Variants in BIRC6 observed in about 807,000 individuals in gnomAD.
The protein encoded by BIRC6 is dual E2 ubiquitin-conjugating enzyme/E3 ubiquitin-protein ligase BIRC6.
Under a neutral mutation model 503.3 loss-of-function variants are expected in BIRC6, and 98 were observed. That is an observed-to-expected ratio of 0.19 (90% CI 0.17 to 0.23). The LOEUF is 0.23. Among genes scored for constraint, BIRC6 ranks in the 10% least tolerant of loss-of-function variants. The probability of loss-of-function intolerance (pLI) is 1.00; values close to 1 mark genes in which losing one functional copy is unlikely to be tolerated. For missense variants in BIRC6, 5,360 were observed against 5,806.0 expected (o/e 0.92, Z 2.50); for synonymous variants, 2,240 against 2,078.7 (o/e 1.08, Z -2.11).
At chr2:32,498,786 A>C (rs1452495944) in intron 45 of BIRC6, among the ~76,000 whole-genome samples, 7 of 152,128 alleles carry the variant, frequency 4.6e-5, no homozygotes, top group Non-Finnish European at 8.8e-5. Flanking sequence ...GGGTTTCGCC[A>C]TGTTGGCCAG....
At chr2:32,475,213 T>A (rs1255955695) in intron 33 of BIRC6, among the ~76,000 whole-genome samples, 1 of 151,560 alleles carries the variant, frequency 6.6e-6, no homozygotes, top group African/African-American at 2.4e-5. Flanking sequence ...AAGTGTTCTC[T>A]GAGAAGGAAG....
Position 32,575,280 on chromosome 2 carries a change from A to G in BIRC6, c.13269A>G (p.Glu4423=), listed in dbSNP as rs994343753. The change falls in exon 66 of 74, where the codon GAA becomes GAG. Residue 4423 remains glutamate (E), a synonymous_variant. Coordinates refer to ENST00000421745, the MANE Select transcript of BIRC6 (RefSeq NM_016252.4). ...TTTCTACAGAGAACGGTGAAGAGGA[A>G]GAAGAACAGTCAGAATGTCAAACTT... ...LPLSTENGEE[E]EEQSECQTSV... 2 of 1,613,812 alleles carry G rather than the reference A, an allele frequency of 1.2e-6. No individual in the cohort carries two copies. The highest frequency in any genetic ancestry group is 1.7e-6 in the Non-Finnish European group (2 of 1,179,844).
intron 15 of BIRC6, among the ~76,000 whole-genome samples, chr2:32,438,680 C>T (rs954088683): frequency 3.3e-5 from 5 of 151,752 alleles, no homozygotes; most frequent in Admixed American, 6.6e-5. Flanking sequence ...CTGCCTCAGC[C>T]TCCTGAGTAG....
chr2:32,571,567 G>A (rs1293896616), intron 65 of BIRC6, among the ~76,000 whole-genome samples: 1 of 151,750 alleles, frequency 6.6e-6, no homozygotes, highest in Non-Finnish European at 1.5e-5. Context: ...AATAGTCCCT[G>A]ATCTTTTGTA....
chr2:32,465,190 T>C, intron 26 of BIRC6, 26 bp downstream of exon 26: 1 of 1,227,048 alleles, frequency 8.1e-7, no homozygotes, highest in Non-Finnish European at 1.1e-6. Context: ...CTTAAATTTT[T>C]TTTTTTTTTT....
intron 62 of BIRC6, among the ~76,000 whole-genome samples, chr2:32,545,157 G>A (rs555880680): frequency 3.9e-4 from 59 of 152,004 alleles, no homozygotes; most frequent in Admixed American, 1.5e-3. Flanking sequence ...TAATTGTCTC[G>A]TGTACCATCC....
chr2:32,591,812 A>T (rs775875065), intron 66 of BIRC6, among the ~76,000 whole-genome samples: 9 of 152,188 alleles, frequency 5.9e-5, no homozygotes, highest in Non-Finnish European at 1.3e-4. Context: ...ATTTGTCAAG[A>T]CCTGGTAATA....
In BIRC6 at chr2:32,377,772, A is replaced by G. The variant is rs754400827; in HGVS notation, c.507+3A>G. On this transcript the variant is annotated splice_donor_region_variant and intron_variant, in intron 2 of 73. Transcript: ENST00000421745. ...AGCTTGAATTACCCGTTACAGAGGT[A>G]AGTTGAAATAAGTATCAATGTGGTC... The G allele has an allele frequency of 1.9e-5, 30 of 1,606,960 alleles. No homozygotes were observed. Among genetic ancestry groups the G allele is most frequent in the Non-Finnish European group, 2.6e-5 (30 of 1,176,400 alleles).
At chr2:32,390,220 G>A (rs2039037615) in intron 4 of BIRC6, among the ~76,000 whole-genome samples, 1 of 151,724 alleles carries the variant, frequency 6.6e-6, no homozygotes, top group South Asian at 2.1e-4. Flanking sequence ...GCCCAGGCTG[G>A]AGTTCAGTGG....
At chr2:32,418,694 C>T (rs2042629743) in intron 10 of BIRC6, among the ~76,000 whole-genome samples, 1 of 152,140 alleles carries the variant, frequency 6.6e-6, no homozygotes, top group Admixed American at 6.5e-5. Context: ...GTTTTTAATG[C>T]TTTCAATTAT....
At chr2:32,405,544 T>C (rs534803061) in intron 8 of BIRC6, among the ~76,000 whole-genome samples, 1 of 152,172 alleles carries the variant, frequency 6.6e-6, no homozygotes, top group Non-Finnish European at 1.5e-5. Context: ...CGGTGGCTTA[T>C]GTTTGTAATC....
intron 53 of BIRC6, among the ~76,000 whole-genome samples, chr2:32,510,906 T>A (rs902812358): frequency 6.6e-6 from 1 of 152,202 alleles, no homozygotes; most frequent in Non-Finnish European, 1.5e-5. Context: ...AAAACATATA[T>A]TTTTAAGTTG....
At position 32,575,270 on chromosome 2, in the gene BIRC6, G is replaced by T; in HGVS notation, c.13259G>T (p.Gly4420Val). The change falls in exon 66 of 74, where the codon GGT becomes GTT. Residue 4420 changes from glycine to valine, a missense_variant. By Grantham distance (109) the Gly-to-Val change is moderately radical. Transcript: ENST00000421745. ...PLLLPLSTEN[G>V]EEEEEQSECQ... ...TTGTTGCCCCTTTCTACAGAGAACG[G>T]TGAAGAGGAAGAAGAACAGTCAGAA... The T allele has an allele frequency of 6.2e-7, 1 of 1,613,968 alleles. No homozygotes were observed.
chr2:32,553,111 C>T (rs1257202569), intron 65 of BIRC6, among the ~76,000 whole-genome samples: 12 of 131,098 alleles, frequency 9.2e-5, no homozygotes, highest in Non-Finnish European at 1.2e-4. Flanking sequence ...GCAGGAGAAT[C>T]GCTTGAACCC....
rs373409183 is a variant in BIRC6 at position 32,468,832 on chromosome 2, G to A, written c.6127+49G>A. ...TAAAGGCTGGGAATATACTTGATGTGATTTCGCTGCATGTTTTAGGATCTG... is the reference window on the plus strand; with the variant it reads ...TAAAGGCTGGGAATATACTTGATGTAATTTCGCTGCATGTTTTAGGATCTG... On this transcript the variant is annotated intron_variant, in intron 29 of 73. Coordinates refer to ENST00000421745, the MANE Select transcript of BIRC6 (RefSeq NM_016252.4). 1.9e-5 allele frequency: 26 copies of A among 1,338,966 alleles called. No individual in the cohort carries two copies. In the African/African-American group the frequency reaches 3.7e-4, roughly 19 times the overall value. The allele number at this position is 1,338,966 out of a possible 1,614,324, so 82.9% of individuals were successfully genotyped here. A position where few individuals can be genotyped will look rare whatever the true frequency, so the allele number is the denominator to read the frequency against.
chr2:32,427,255 G>T (rs114543799), intron 10 of BIRC6, among the ~76,000 whole-genome samples: 22 of 151,720 alleles, frequency 1.5e-4, no homozygotes, highest in African/African-American at 4.8e-4. Context: ...TGTCCTGTAG[G>T]TCTCCAAGCT....
At chr2:32,469,283 T>A in intron 29 of BIRC6, 112 bp from the exon 30 acceptor site, 2 of 792,440 alleles carry the variant, frequency 2.5e-6, no homozygotes, top group Non-Finnish European at 3.9e-6. Context: ...ATAAATAGAA[T>A]ATAATTATCT....
chr2:32,417,782 T>C (rs974125441), intron 10 of BIRC6, among the ~76,000 whole-genome samples: 1 of 152,182 alleles, frequency 6.6e-6, no homozygotes, highest in African/African-American at 2.4e-5. Context: ...ATTTTTTTAT[T>C]TTTATTTTTT....
At chr2:32,432,997 A>G (rs902018173) in intron 12 of BIRC6, among the ~76,000 whole-genome samples, 95 of 152,134 alleles carry the variant, frequency 6.2e-4, no homozygotes, top group Admixed American at 1.1e-3. Flanking sequence ...AGGTAGTGAA[A>G]AGAGTCGTTA....
Sources: allele counts gnomAD v4.1 joint callset (sites outside exome capture counted in the v4.1 genomes callset), GRCh38; gene constraint gnomAD v4.1.1; transcripts MANE v1.5; gene names NCBI Gene and HGNC (gene_info 2026-07-23, HGNC 2026-07-21).